FAAH2: variants seen among roughly 807,000 people sequenced by gnomAD.
FAAH2 encodes fatty-acid amide hydrolase 2.
Under a neutral mutation model 36.9 loss-of-function variants are expected in FAAH2, and 60 were observed. That is an observed-to-expected ratio of 1.63 (90% confidence interval 1.32 to 2.02). The LOEUF (loss-of-function observed/expected upper bound fraction) is 2.02. Ranked by LOEUF, FAAH2 falls within the 30% of genes most tolerant of loss-of-function variation. FAAH2 has a pLI of 0.00. For synonymous variants in FAAH2, 214 were observed against 143.8 expected (o/e 1.49, Z -3.49); for missense variants, 689 against 397.5 (o/e 1.73, Z -6.23).
At chrX:57,220,140 C>CT in the FAAH2 span, among the ~76,000 whole-genome samples, 1 of 108,666 alleles carries the variant, frequency 9.2e-6, no homozygotes, top group Non-Finnish European at 1.9e-5. Context: ...AACCGTACCT[C>CT]TTTTTTTCTC....
At chrX:57,364,510 C>G (rs1317483600) in intron 5 of FAAH2, among the ~76,000 whole-genome samples, 2 of 89,145 alleles carry the variant, frequency 2.2e-5, no homozygotes, top group African/African-American at 8.6e-5. Flanking sequence ...TCCAATGATT[C>G]AACTTTTGAT....
chrX:57,192,260 G>C, the FAAH2 span, among the ~76,000 whole-genome samples: 1 of 111,314 alleles, frequency 9.0e-6, no homozygotes, highest in African/African-American at 3.3e-5. Context: ...TTTAGACTGA[G>C]CATTGTTGGC....
At chrX:57,325,481 G>T (rs780334670) in intron 3 of FAAH2, among the ~76,000 whole-genome samples, 1 of 110,906 alleles carries the variant, frequency 9.0e-6, no homozygotes, top group Non-Finnish European at 1.9e-5. Context: ...AACTTTTTTT[G>T]GTTGGTAGGC....
At chrX:57,271,623 AG>A in the FAAH2 span, among the ~76,000 whole-genome samples, 11 of 112,142 alleles carry the variant, frequency 9.8e-5, no homozygotes, top group African/African-American at 2.9e-4. Context: ...CCAGGGAAAC[AG>A]GGTCGGGAGT....
At chrX:57,312,652 C>A (rs1218815430) in intron 3 of FAAH2, among the ~76,000 whole-genome samples, 4 of 96,395 alleles carry the variant, frequency 4.1e-5, no homozygotes, top group Non-Finnish European at 6.4e-5. Context: ...CCAGCCTGGG[C>A]AACAAGCACA....
At chrX:57,391,949 A>G (rs184086785) in intron 7 of FAAH2, among the ~76,000 whole-genome samples, 1 of 110,589 alleles carries the variant, frequency 9.0e-6, no homozygotes, top group Admixed American at 9.7e-5. Flanking sequence ...GTCCATGAGC[A>G]TAAGATCTTT....
At chrX:57,163,530 C>G in the FAAH2 span, among the ~76,000 whole-genome samples, 1 of 111,939 alleles carries the variant, frequency 8.9e-6, no homozygotes, top group Non-Finnish European at 1.9e-5. Flanking sequence ...GGGCGTAGGA[C>G]CCTCTGAGCC....
the FAAH2 span, among the ~76,000 whole-genome samples, chrX:57,156,404 T>G: frequency 6.2e-5 from 7 of 112,099 alleles, no homozygotes; most frequent in African/African-American, 2.3e-4. Flanking sequence ...GTTCATTTAG[T>G]GATATCATGT....
At chrX:57,365,618 G>A (rs1164862571) in intron 5 of FAAH2, among the ~76,000 whole-genome samples, 1 of 111,740 alleles carries the variant, frequency 8.9e-6, no homozygotes, top group Non-Finnish European at 1.9e-5. Context: ...GCAACATTGG[G>A]GATGTTTTTA....
chrX:57,336,277 C>G (rs969678523), intron 4 of FAAH2, among the ~76,000 whole-genome samples: 13 of 110,618 alleles, frequency 1.2e-4, no homozygotes, highest in Non-Finnish European at 1.9e-5. Flanking sequence ...CAGAGAAGAA[C>G]CCCTCTTTGA....
chrX:57,168,986 G>C, the FAAH2 span, among the ~76,000 whole-genome samples: 1 of 110,975 alleles, frequency 9.0e-6, no homozygotes, highest in Non-Finnish European at 1.9e-5. Flanking sequence ...CAGATCTCTG[G>C]AGGCTAAAAG....
At chrX:57,125,281 G>A in the FAAH2 span, among the ~76,000 whole-genome samples, 4 of 112,547 alleles carry the variant, frequency 3.6e-5, no homozygotes, top group South Asian at 3.6e-4. Context: ...TTTTGTCTTC[G>A]GTTCTGTTTA....
the FAAH2 span, among the ~76,000 whole-genome samples, chrX:57,217,492 C>T: frequency 8.9e-6 from 1 of 111,846 alleles, no homozygotes; most frequent in Non-Finnish European, 1.9e-5. Flanking sequence ...TTTCATTCTG[C>T]CACATGTGGC....
intron 10 of FAAH2, among the ~76,000 whole-genome samples, chrX:57,469,281 C>A (rs1048223537): frequency 1.8e-5 from 2 of 111,764 alleles, no homozygotes; most frequent in South Asian, 7.5e-4. Context: ...GCTAAACGCT[C>A]CTATTAAAAG....
chrX:57,435,148 T>C (rs2056383559), intron 8 of FAAH2, among the ~76,000 whole-genome samples: 1 of 111,735 alleles, frequency 8.9e-6, no homozygotes, highest in East Asian at 2.8e-4. Context: ...AAATAAAAGG[T>C]ATATGTTCAT....
the FAAH2 span, among the ~76,000 whole-genome samples, chrX:57,183,636 C>T: frequency 9.0e-6 from 1 of 111,431 alleles, no homozygotes; most frequent in South Asian, 3.7e-4. Context: ...TCTCCTAATC[C>T]TGTTATCTTC....
chrX:57,464,146 T>C (rs2057008185), intron 10 of FAAH2, among the ~76,000 whole-genome samples: 1 of 111,736 alleles, frequency 8.9e-6, no homozygotes, highest in Admixed American at 9.6e-5. Flanking sequence ...CTCAGCCAAC[T>C]AACACAGGAA....
intron 8 of FAAH2, among the ~76,000 whole-genome samples, chrX:57,433,878 C>A (rs1043732360): frequency 2.7e-5 from 3 of 111,213 alleles, no homozygotes; most frequent in African/African-American, 9.8e-5. Context: ...AAAGTAAATT[C>A]AAAAATAAGA....
chrX:57,378,623 C>T (rs181091433), intron 5 of FAAH2, 28 bp from the exon 6 acceptor site: 7 of 1,205,297 alleles, frequency 5.8e-6, no homozygotes, highest in East Asian at 3.0e-5. Flanking sequence ...TTATTTTGGG[C>T]GGCTAACCTG....
Sources: gnomAD v4.1 joint callset for allele counts (sites outside exome capture counted in the v4.1 genomes callset) on GRCh38, gnomAD v4.1.1 for gene constraint, MANE v1.5 for transcripts, NCBI Gene and HGNC (gene_info 2026-07-23, HGNC 2026-07-21) for gene names.